Variants in TTC28 observed in about 807,000 individuals in gnomAD.
TTC28 encodes tetratricopeptide repeat domain 28, also known as tetratricopeptide repeat protein 28.
In TTC28, 61 loss-of-function variants were observed where a neutral mutation model predicts 198.0. The observed-to-expected ratio is 0.31, with a 90% CI of 0.25 to 0.38. The LOEUF is 0.38. TTC28 is among the 10% of genes least tolerant of loss of function. TTC28 has a pLI of 1.00. For missense variants in TTC28, 2,678 were observed against 3,164.0 expected (o/e 0.85, Z 3.69); for synonymous variants, 1,171 against 1,297.8 (o/e 0.90, Z 2.10).
intron 6 of TTC28, among the ~76,000 whole-genome samples, chr22:28,137,898 C>G (rs536390940): frequency 1.6e-4 from 24 of 152,152 alleles, no homozygotes; most frequent in Admixed American, 1.4e-3. Flanking sequence ...ACCTGTAATC[C>G]CAGCTACCCG....
chr22:27,992,839 AGGAAGGTGGGT>A, intron 18 of TTC28, 176 bp from the exon 19 acceptor site: 1 of 666,894 alleles, frequency 1.5e-6, no homozygotes, highest in South Asian at 1.9e-5. Flanking sequence ...GTGGTCTCCC[AGGAAGGTGGGT>A]GGAAGTGGGT....
chr22:28,518,358 G>A (rs575768239), intron 2 of TTC28, among the ~76,000 whole-genome samples: 1 of 152,278 alleles, frequency 6.6e-6, no homozygotes, highest in South Asian at 2.1e-4. Flanking sequence ...GCTCGCATCT[G>A]TAATCCCAGC....
intron 2 of TTC28, among the ~76,000 whole-genome samples, chr22:28,571,196 G>C (rs1053473453): frequency 2.0e-5 from 3 of 152,256 alleles, no homozygotes; most frequent in South Asian, 4.1e-4. Flanking sequence ...GCCAAATTAA[G>C]CAAAGTAAAT....
At chr22:28,646,099 G>C (rs1408042973) in intron 1 of TTC28, among the ~76,000 whole-genome samples, 2 of 152,036 alleles carry the variant, frequency 1.3e-5, no homozygotes, top group Non-Finnish European at 2.9e-5. Flanking sequence ...AAAAAGTGAA[G>C]GGCATCCAAG....
intron 3 of TTC28, among the ~76,000 whole-genome samples, chr22:28,301,640 A>T (rs939874319): frequency 5.9e-5 from 9 of 152,240 alleles, no homozygotes; most frequent in African/African-American, 2.2e-4. Context: ...CAGTGCTATG[A>T]AATGGTGTGT....
intron 2 of TTC28, among the ~76,000 whole-genome samples, chr22:28,625,712 C>CA (rs1326017263): frequency 6.6e-6 from 1 of 151,832 alleles, no homozygotes; most frequent in Non-Finnish European, 1.5e-5. Flanking sequence ...TATAAAAATG[C>CA]AAAAATATAG....
At chr22:28,588,169 C>A (rs1474566500) in intron 2 of TTC28, among the ~76,000 whole-genome samples, 3 of 150,068 alleles carry the variant, frequency 2.0e-5, no homozygotes, top group African/African-American at 7.4e-5. Context: ...AACAAACAAA[C>A]AAAAAACAAA....
At chr22:28,675,877 G>A (rs914494006) in intron 1 of TTC28, among the ~76,000 whole-genome samples, 1 of 151,988 alleles carries the variant, frequency 6.6e-6, no homozygotes, top group Admixed American at 6.6e-5. Flanking sequence ...TTGAGGCCAG[G>A]AGTTCAAGAT....
intron 2 of TTC28, among the ~76,000 whole-genome samples, chr22:28,586,974 C>A (rs1033332030): frequency 5.9e-5 from 9 of 152,118 alleles, no homozygotes; most frequent in African/African-American, 2.2e-4. Flanking sequence ...GTAATCTCAG[C>A]ACTTTGGGAG....
chr22:28,516,787 A>G (rs1007588714), intron 2 of TTC28, among the ~76,000 whole-genome samples: 1 of 152,200 alleles, frequency 6.6e-6, no homozygotes, highest in African/African-American at 2.4e-5. Flanking sequence ...ACTCATCATC[A>G]CAAAAAATAA....
In TTC28 at chr22:28,579,722, C is replaced by A. The variant is rs966272494; in HGVS notation, c.381+49830G>T. Among the ~76,000 whole-genome samples, 3 of 152,026 alleles carry A rather than the reference C, an allele frequency of 2.0e-5. No individual in the cohort carries two copies. In the South Asian group the frequency reaches 6.2e-4, roughly 32 times the overall value. On this transcript the variant is annotated intron_variant, in intron 2 of 22. Coordinates refer to ENST00000397906, the MANE Select transcript of TTC28 (RefSeq NM_001145418.2). ...GTGGCTCACGCCTATAATCCCAGCA[C>A]TTTGGGAGGCCAAGGGGGAGCAGAT...
At chr22:28,458,074 G>C (rs935016002) in intron 2 of TTC28, among the ~76,000 whole-genome samples, 3 of 151,526 alleles carry the variant, frequency 2.0e-5, no homozygotes, top group Non-Finnish European at 2.9e-5. Context: ...TTATTTTATG[G>C]AACTCTTATT....
chr22:28,268,144 TA>T (rs1368458073), intron 5 of TTC28, among the ~76,000 whole-genome samples: 1 of 152,188 alleles, frequency 6.6e-6, no homozygotes, highest in Non-Finnish European at 1.5e-5. Context: ...AGAGTTTACT[TA>T]AAATGAAAGC....
At position 28,105,505 on chromosome 22, in the gene TTC28, T is replaced by C. The variant is rs1601624551; in HGVS notation, c.3081A>G (p.Ala1027=). 6.4e-7 allele frequency: 1 copy of C among 1,551,688 alleles called. No individual in the cohort carries two copies. The highest frequency in any genetic ancestry group is 1.2e-5 in the South Asian group (1 of 84,060). Residue 1027 remains alanine, a synonymous_variant, in exon 8 of 23, where the codon GCA becomes GCG. Transcript: ENST00000397906. ...LQYHQLDLQI[A]EETNNPTCQG... ...GGCACGTGGGGTTGTTGGTTTCCTC[T>C]GCTATCTGTAGATCAAGCTGGTGGT...
intron 2 of TTC28, among the ~76,000 whole-genome samples, chr22:28,553,477 A>G (rs6005811): frequency 0.99 from 146,008 of 147,922 alleles, 72,072 homozygotes; most frequent in Admixed American, 0.99. Flanking sequence ...GCCCGGCCGC[A>G]ACCCCGTCTG....
intron 13 of TTC28, among the ~76,000 whole-genome samples, chr22:28,019,938 G>A (rs989032540): frequency 6.6e-6 from 1 of 152,230 alleles, no homozygotes; most frequent in Non-Finnish European, 1.5e-5. Flanking sequence ...CCCCTCTGCC[G>A]GCACAGCCAG....
rs867023009 is a variant in TTC28 at position 28,105,724 on chromosome 22, G to A, written c.2862C>T (p.Phe954=). Residue 954 remains phenylalanine (F), a synonymous_variant, in exon 8 of 23, where the codon TTC becomes TTT. Coordinates refer to ENST00000397906, the MANE Select transcript of TTC28 (RefSeq NM_001145418.2). ...GCTCTCCATAGGCCTGGGCTTTATTGAAGGCCTCTCCAAGTTCATGAGCAA... is the reference window on the plus strand; with the variant it reads ...GCTCTCCATAGGCCTGGGCTTTATTAAAGGCCTCTCCAAGTTCATGAGCAA... ...LVVAHELGEA[F]NKAQAYGELG... 27 of 1,551,726 alleles carry A rather than the reference G, an allele frequency of 1.7e-5. No individual in the cohort carries two copies. The Middle Eastern group carries it at 4.3e-3, about 249-fold the overall frequency.
chr22:27,990,237 C>T (rs772567671), intron 20 of TTC28, among the ~76,000 whole-genome samples: 4 of 152,110 alleles, frequency 2.6e-5, no homozygotes, highest in African/African-American at 9.7e-5. Flanking sequence ...CTCCTGGGGC[C>T]GGGGCCGGGT....
chr22:28,640,975 T>C (rs2051355249), intron 1 of TTC28, among the ~76,000 whole-genome samples: 1 of 152,164 alleles, frequency 6.6e-6, no homozygotes, highest in East Asian at 1.9e-4. Flanking sequence ...ATCCATTAAT[T>C]AGTGAATAAA....
Sources: allele counts gnomAD v4.1 joint callset (sites outside exome capture counted in the v4.1 genomes callset), GRCh38; gene constraint gnomAD v4.1.1; transcripts MANE v1.5; gene names NCBI Gene and HGNC (gene_info 2026-07-23, HGNC 2026-07-21).